The following PSD variants were observed in gnomAD, a reference collection of about 807,000 sequenced individuals.
PSD encodes the protein PH and SEC7 domain-containing protein 1.
Under a neutral mutation model 91.6 loss-of-function variants are expected in PSD, and 32 were observed. The ratio of observed to expected loss-of-function variants is 0.35; its 90% CI spans 0.26 to 0.47. The LOEUF is 0.47. PSD is among the 20% of genes least tolerant of loss of function. The pLI is 1.00. For missense variants in PSD, 1,099 were observed against 1,373.9 expected (o/e 0.80, Z 3.16); for synonymous variants, 532 against 569.3 (o/e 0.93, Z 0.93).
chr10:102,411,539 A>G (rs2061424715), intron 8 of PSD, among the ~76,000 whole-genome samples, 168 bp downstream of exon 8: 1 of 152,252 alleles, frequency 6.6e-6, no homozygotes, highest in Non-Finnish European at 1.5e-5. Context: ...TTCCACATAC[A>G]TGCAGCCATG....
At chr10:102,408,809 G>T in intron 10 of PSD, 1 of 893,020 alleles carries the variant, frequency 1.1e-6, no homozygotes, top group African/African-American at 1.8e-5. Flanking sequence ...CTCCGCCCTC[G>T]GTTGGCACCG....
Position 102,415,007 on chromosome 10 carries a change from G to A in PSD, c.980C>T (p.Thr327Ile). ...SQPSSEGPPG[T>I]AYPPAPRPGP... ...GGGCCGTGGGGCAGGTGGGTAGGCAGTGCCTGGTGGGCCCTCAGAGCTGGG... is the reference window on the plus strand; with the variant it reads ...GGGCCGTGGGGCAGGTGGGTAGGCAATGCCTGGTGGGCCCTCAGAGCTGGG... The change falls in exon 4 of 17, where the codon ACT (threonine) becomes ATT (isoleucine). Residue 327 changes from threonine (T) to isoleucine (I), a missense_variant. Physicochemically the swap from Thr to Ile is moderately conservative, Grantham distance 89 (BLOSUM62 -1). Coordinates refer to ENST00000020673, the MANE Select transcript of PSD (RefSeq NM_002779.5). The A allele has an allele frequency of 6.2e-7, 1 of 1,609,422 alleles. No individual in the cohort carries two copies. The highest frequency in any genetic ancestry group is 1.1e-5 in the South Asian group (1 of 90,928).
rs41307070 is a variant in PSD, at chr10:102,411,835, G to A, written c.1830-16C>T. On this transcript the variant is annotated splice_polypyrimidine_tract_variant and intron_variant, in intron 7 of 16. Coordinates refer to ENST00000020673, the MANE Select transcript of PSD (RefSeq NM_002779.5). ...CAGAAACACCCTGGAGAAGGGGCAA[G>A]AGAGGGTTGCCTAGCAACCAGGAGT... 71 of 1,589,914 alleles carry A rather than the reference G, an allele frequency of 4.5e-5. No homozygotes were observed. Among genetic ancestry groups the A allele is most frequent in the Non-Finnish European group, 5.6e-5 (65 of 1,162,294 alleles).
Position 102,404,534 on chromosome 10 carries a change from C to A in PSD, c.2700+49G>T. On this transcript the variant is annotated intron_variant, in intron 15 of 16. Coordinates refer to ENST00000020673, the MANE Select transcript of PSD (RefSeq NM_002779.5). The surrounding 1 kb of genome is among the most constrained non-coding windows in gnomAD (Gnocchi z 5.7). ...CAGCCTTGAGTGCAGTGGGCCTGAGCCTAACACCCTCCATCCCACTGGCAC... is the reference window on the plus strand; with the variant it reads ...CAGCCTTGAGTGCAGTGGGCCTGAGACTAACACCCTCCATCCCACTGGCAC... 1.3e-6 allele frequency: 2 copies of A among 1,587,500 alleles called. No homozygotes were observed. The highest frequency in any genetic ancestry group is 1.8e-5 in the Admixed American group (1 of 57,114).
chr10:102,409,122 G>A lies in PSD; in HGVS notation c.2091+1736C>T, dbSNP rs957092447. 6 of 981,400 alleles carry A rather than the reference G, an allele frequency of 6.1e-6. No individual in the cohort carries two copies. In the South Asian group the frequency reaches 1.4e-4, roughly 23 times the overall value. 60.8% of individuals were successfully genotyped at this position (981,400 alleles called of 1,614,324 possible). On this transcript the variant is annotated intron_variant, in intron 10 of 16. Coordinates refer to ENST00000020673, the MANE Select transcript of PSD (RefSeq NM_002779.5). The surrounding 1 kb of genome is among the most constrained non-coding windows in gnomAD (Gnocchi z 5.7). The stretch of plus-strand genomic sequence containing the variant: ...GCCCGGCCGGCGCGCCGCGGCCCCC[G>A]GCCATGCCCCCGTCCGCCCTCGGCC...
At position 102,414,901 on chromosome 10, in the gene PSD, A is replaced by G. The variant is rs146339435; in HGVS notation, c.1086T>C (p.Asp362=). Residue 362 remains aspartate (D), a synonymous_variant, in exon 4 of 17, where the codon GAT becomes GAC. Coordinates refer to ENST00000020673, the MANE Select transcript of PSD (RefSeq NM_002779.5). This position sits in a 1 kb window ranked among gnomAD's most constrained non-coding sequence, Gnocchi z 5.6. ...AGGCCTCAAACACCTCGTCGTCCAC[A>G]TCTTCTTCCCCACCTGCCTCATCGT... is the stretch of plus-strand genomic sequence containing the variant. ...EDDDEAGGEE[D]VDDEVFEASE... The G allele has an allele frequency of 1.8e-4, 270 of 1,505,456 alleles. No homozygotes were observed. Among genetic ancestry groups the G allele is most frequent in the Non-Finnish European group, 1.9e-4 (218 of 1,126,472 alleles). 93.3% of individuals were successfully genotyped at this position (1,505,456 alleles called of 1,614,324 possible).
At position 102,405,819 on chromosome 10, in the gene PSD, G is replaced by A; in HGVS notation, c.2136-283C>T. The stretch of plus-strand genomic sequence containing the variant: ...CTATCCTCTCCATTGCTGCACACCT[G>A]CAGCCCTCACACCCTTCTCCACCAG... On this transcript the variant is annotated intron_variant, in intron 11 of 16. Transcript: ENST00000020673. This position sits in a 1 kb window ranked among gnomAD's most constrained non-coding sequence, Gnocchi z 5.4. 1 of 386,810 alleles carries A rather than the reference G, an allele frequency of 2.6e-6. No homozygotes were observed. The highest frequency in any genetic ancestry group is 4.1e-5 in the East Asian group (1 of 24,626). The allele number at this position is 386,810 out of a possible 1,614,324, so 24.0% of individuals were successfully genotyped here.
rs924008498 is a variant in PSD, at chr10:102,414,416, C to T, written c.1125-219G>A. Among the ~76,000 whole-genome samples, 1 of 152,168 alleles carries T rather than the reference C, an allele frequency of 6.6e-6. No individual in the cohort carries two copies. The highest frequency in any genetic ancestry group is 1.5e-5 in the Non-Finnish European group (1 of 68,014). ...CAGTCCCCAGCACCCCATCCCCTCC[C>T]TCCCTGCTAATCTCCCTTTCTCCTC... On this transcript the variant is annotated intron_variant, in intron 4 of 16. Coordinates refer to ENST00000020673, the MANE Select transcript of PSD (RefSeq NM_002779.5). The surrounding 1 kb of genome is among the most constrained non-coding windows in gnomAD (Gnocchi z 5.6).
chr10:102,404,796 C>T lies in PSD; in HGVS notation c.2556-69G>A. ...CTGTCCCAGGATGCCAGTCCTGGCT[C>T]AAGTGTGGCCTGAGAAGGAATGAAA... On this transcript the variant is annotated intron_variant, in intron 14 of 16. Transcript: ENST00000020673. This position sits in a 1 kb window ranked among gnomAD's most constrained non-coding sequence, Gnocchi z 5.7. The T allele has an allele frequency of 6.4e-7, 1 of 1,560,492 alleles. No homozygotes were observed. Among genetic ancestry groups the T allele is most frequent in the Admixed American group, 1.8e-5 (1 of 55,012 alleles).
At chr10:102,412,307 G>A in intron 6 of PSD, 74 bp downstream of exon 6, 9 of 1,610,404 alleles carry the variant, frequency 5.6e-6, no homozygotes, top group African/African-American at 1.3e-5. Context: ...ATGACCAGGG[G>A]ACATTAGATG....
chr10:102,411,748 T>C lies in PSD; in HGVS notation c.1901A>G (p.Gln634Arg), dbSNP rs770308743. 2.0e-5 allele frequency: 33 copies of C among 1,613,702 alleles called. 1 individual carries two copies. In the Admixed American group the frequency reaches 3.5e-4, roughly 17 times the overall value. ...ERERVLAHFS[Q>R]RYFQCNPEAL... ...TTCAGGATTGCACTGGAAGTATCGC[T>C]GGGAGAAGTGGGCCAGCACGCGCTC... The change falls in exon 8 of 17, where the codon CAG becomes CGG. Residue 634 changes from glutamine to arginine, a missense_variant. Physicochemically the swap from Gln to Arg is conservative, Grantham distance 43 (BLOSUM62 1). This residue lies in a region of PSD where 110 missense variants were observed against 218.7 expected (regional missense o/e 0.50). Coordinates refer to ENST00000020673, the MANE Select transcript of PSD (RefSeq NM_002779.5).
At chr10:102,407,912 C>T (rs1399417825) in intron 10 of PSD, among the ~76,000 whole-genome samples, 3 of 152,170 alleles carry the variant, frequency 2.0e-5, no homozygotes, top group African/African-American at 7.2e-5. Context: ...AGAGTGAACA[C>T]TCCTCTAAAA....
Position 102,403,475 on chromosome 10 carries a change from C to G in PSD, c.2845-45G>C. On this transcript the variant is annotated intron_variant, in intron 16 of 16. Transcript: ENST00000020673. The surrounding 1 kb of genome is among the most constrained non-coding windows in gnomAD (Gnocchi z 6.7). ...GCTGTGAGAGCCTCTTCTCTGCCTT[C>G]TGCCCACCCCACCATCTGGACCAGG... The G allele has an allele frequency of 2.6e-6, 4 of 1,527,294 alleles. 1 individual carries two copies. The South Asian group carries it at 3.6e-5, about 14-fold the overall frequency. The allele number at this position is 1,527,294 out of a possible 1,614,324, so 94.6% of individuals were successfully genotyped here.
upstream of PSD, chr10:102,419,933 C>A: frequency 3.6e-6 from 1 of 277,888 alleles, no homozygotes; most frequent in Non-Finnish European, 7.0e-6. The surrounding 1 kb of genome is among the most constrained non-coding windows in gnomAD (Gnocchi z 4.8). Flanking sequence ...CGCTGCCTTG[C>A]GGGGTGGGGA....
intron 6 of PSD, 42 bp from the exon 7 acceptor site, chr10:102,412,269 G>A (rs748494680): frequency 6.2e-7 from 1 of 1,611,808 alleles, no homozygotes; most frequent in East Asian, 2.2e-5. Flanking sequence ...TCAAGGGGAA[G>A]TGCAGGGGGT....
At chr10:102,408,405 CCTCCAACCCCCA>C in intron 10 of PSD, among the ~76,000 whole-genome samples, 1 of 152,298 alleles carries the variant, frequency 6.6e-6, no homozygotes, top group East Asian at 1.9e-4. Context: ...TACCCCACAG[CCTCCAACCCCCA>C]CTCCACCGCC....
chr10:102,407,342 A>G (rs1357381109), intron 10 of PSD, 76 bp from the exon 11 acceptor site: 2 of 961,600 alleles, frequency 2.1e-6, no homozygotes, highest in East Asian at 6.3e-5. Context: ...TTCCCCTCTA[A>G]CTTGAGAGAT....
chr10:102,403,451 C>A lies in PSD; in HGVS notation c.2845-21G>T. 2 of 1,579,788 alleles carry A rather than the reference C, an allele frequency of 1.3e-6. No individual in the cohort carries two copies. The highest frequency in any genetic ancestry group is 8.6e-7 in the Non-Finnish European group (1 of 1,163,502). ...GATTTCTGAGGCAGAGGGGCAGGGG[C>A]TGTGAGAGCCTCTTCTCTGCCTTCT... On this transcript the variant is annotated intron_variant, in intron 16 of 16. Transcript: ENST00000020673. This position sits in a 1 kb window ranked among gnomAD's most constrained non-coding sequence, Gnocchi z 6.7.
At position 102,414,339 on chromosome 10, in the gene PSD, C is replaced by G. The variant is rs1433747081; in HGVS notation, c.1125-142G>C. The G allele has an allele frequency of 1.1e-6, 1 of 870,160 alleles. No individual in the cohort carries two copies. The highest frequency in any genetic ancestry group is 2.7e-5 in the East Asian group (1 of 37,462). The allele number at this position is 870,160 out of a possible 1,614,324, so 53.9% of individuals were successfully genotyped here. On this transcript the variant is annotated intron_variant, in intron 4 of 16. Transcript: ENST00000020673. This position sits in a 1 kb window ranked among gnomAD's most constrained non-coding sequence, Gnocchi z 5.6. ...CCAGCCCACTAACAAAAAAGAGCCTCTAGGGTAGGGCGCCAAGCTATTCAG... is the reference window on the plus strand; with the variant it reads ...CCAGCCCACTAACAAAAAAGAGCCTGTAGGGTAGGGCGCCAAGCTATTCAG...
Sources: gnomAD v4.1 joint callset for allele counts (sites outside exome capture counted in the v4.1 genomes callset) on GRCh38, gnomAD v4.1.1 for gene constraint, gnomAD v4.1.1 regional missense constraint, Gnocchi (gnomAD v3.1) non-coding constraint, MANE v1.5 for transcripts, NCBI Gene and HGNC (gene_info 2026-07-23, HGNC 2026-07-21) for gene names.